The following HPSE2 variants were observed in gnomAD, a reference collection of about 807,000 sequenced individuals.
HPSE2 encodes heparanase 2 (inactive).
In HPSE2, 38 loss-of-function variants were observed where a neutral mutation model predicts 60.5. That is an observed-to-expected ratio of 0.63 (90% CI 0.48 to 0.82). HPSE2 has a LOEUF of 0.82. HPSE2 is among the 40% of genes least tolerant of loss of function. The probability of loss-of-function intolerance (pLI) is 0.00; values close to 1 mark genes in which losing one functional copy is unlikely to be tolerated. For missense variants in HPSE2, 713 were observed against 740.4 expected (o/e 0.96, Z 0.43); for synonymous variants, 295 against 293.2 (o/e 1.01, Z -0.06).
chr10:99,081,884 C>T (rs138497905), intron 3 of HPSE2, among the ~76,000 whole-genome samples: 181 of 152,266 alleles, frequency 1.2e-3, no homozygotes, highest in African/African-American at 4.3e-3. Flanking sequence ...GATCCGCCCG[C>T]CTGGGCCTCC....
At chr10:98,687,815 T>C (rs1167982357) in intron 6 of HPSE2, among the ~76,000 whole-genome samples, 1 of 152,192 alleles carries the variant, frequency 6.6e-6, no homozygotes, top group East Asian at 1.9e-4. Context: ...TTCTCATCCT[T>C]TTATTTTCAA....
At chr10:99,230,288 T>C (rs533909699) in intron 2 of HPSE2, among the ~76,000 whole-genome samples, 4 of 152,240 alleles carry the variant, frequency 2.6e-5, no homozygotes, top group South Asian at 4.1e-4. Flanking sequence ...AAGATAGATG[T>C]CTAAAAAATG....
chr10:99,149,229 C>G (rs973004772), intron 2 of HPSE2, among the ~76,000 whole-genome samples: 7 of 151,968 alleles, frequency 4.6e-5, no homozygotes, highest in Non-Finnish European at 7.4e-5. Flanking sequence ...CAGAAGCTGT[C>G]AAATAAGGAA....
intron 11 of HPSE2, among the ~76,000 whole-genome samples, chr10:98,469,395 T>G (rs1940684044): frequency 6.6e-6 from 1 of 152,200 alleles, no homozygotes; most frequent in Admixed American, 6.5e-5. Flanking sequence ...AGCATGTGGT[T>G]AACTATGTCC....
chr10:99,294,402 A>AAATATATAATATATACATAT, the HPSE2 span, among the ~76,000 whole-genome samples: 2 of 146,722 alleles, frequency 1.4e-5, no homozygotes, highest in African/African-American at 5.0e-5. Flanking sequence ...TATAATATAT[A>AAATATATAATATATACATAT]AATATATAAT....
At chr10:98,804,101 A>C (rs1006041005) in intron 3 of HPSE2, among the ~76,000 whole-genome samples, 3 of 152,032 alleles carry the variant, frequency 2.0e-5, no homozygotes, top group Admixed American at 6.6e-5. Flanking sequence ...ATGGGAGTTC[A>C]CTCATGATTT....
At chr10:98,952,808 A>G (rs1955402669) in intron 3 of HPSE2, among the ~76,000 whole-genome samples, 1 of 151,994 alleles carries the variant, frequency 6.6e-6, no homozygotes, top group Admixed American at 6.6e-5. Flanking sequence ...CATGTGCATG[A>G]TCTCTCTTCT....
At chr10:98,684,856 A>C (rs1947873021) in intron 6 of HPSE2, among the ~76,000 whole-genome samples, 1 of 152,150 alleles carries the variant, frequency 6.6e-6, no homozygotes, top group African/African-American at 2.4e-5. Flanking sequence ...AAAAATAAGA[A>C]AAAAGATTCC....
At chr10:98,997,112 C>CTT (rs34434956) in intron 3 of HPSE2, among the ~76,000 whole-genome samples, 68,522 of 119,798 alleles carry the variant, frequency 0.57, 21,878 homozygotes, top group South Asian at 0.73. Context: ...CAGACCCTTT[C>CTT]TTTTTTTTTT....
Position 98,459,551 on chromosome 10 carries a change from G to A in HPSE2, c.*23C>T. On this transcript the variant is annotated 3_prime_UTR_variant, in exon 12 of 12. Coordinates refer to ENST00000370552, the MANE Select transcript of HPSE2 (RefSeq NM_021828.5). ...TGGAAGCAGCCCAGCAGGCCCACTGGTAGCCGTGAGTGTGAGGATAGCTTA... is the reference window on the plus strand; with the variant it reads ...TGGAAGCAGCCCAGCAGGCCCACTGATAGCCGTGAGTGTGAGGATAGCTTA... 2 of 1,613,802 alleles carry A rather than the reference G, an allele frequency of 1.2e-6. No homozygotes were observed. Among genetic ancestry groups the A allele is most frequent in the African/African-American group, 1.3e-5 (1 of 75,048 alleles).
chr10:98,635,418 C>G (rs1200380527), intron 7 of HPSE2, among the ~76,000 whole-genome samples: 2 of 152,132 alleles, frequency 1.3e-5, no homozygotes, highest in African/African-American at 4.8e-5. Flanking sequence ...CAAAGAGATA[C>G]CTGCACTCTC....
intron 6 of HPSE2, among the ~76,000 whole-genome samples, chr10:98,652,552 C>G (rs1264541375): frequency 6.6e-6 from 1 of 152,190 alleles, no homozygotes; most frequent in Non-Finnish European, 1.5e-5. Context: ...CTGCCCATTC[C>G]CAATCTCCCA....
chr10:99,056,463 C>CTGA (rs1958115960), intron 3 of HPSE2, among the ~76,000 whole-genome samples: 1 of 151,940 alleles, frequency 6.6e-6, no homozygotes, highest in Non-Finnish European at 1.5e-5. Flanking sequence ...CTGCTTAAGC[C>CTGA]TGATGCAAAA....
At chr10:98,647,169 GTC>G (rs1946792305) in intron 6 of HPSE2, among the ~76,000 whole-genome samples, 1 of 152,064 alleles carries the variant, frequency 6.6e-6, no homozygotes, top group African/African-American at 2.4e-5. Context: ...CCTCCTTCCT[GTC>G]TCTGTCAGCC....
intron 2 of HPSE2, among the ~76,000 whole-genome samples, chr10:99,219,895 G>A (rs1849252138): frequency 2.6e-5 from 4 of 152,084 alleles, no homozygotes; most frequent in Non-Finnish European, 4.4e-5. Context: ...ATCTTTATTT[G>A]TTGGCTGATT....
chr10:99,017,674 A>C (rs1480651106), intron 3 of HPSE2, among the ~76,000 whole-genome samples: 1 of 152,054 alleles, frequency 6.6e-6, no homozygotes, highest in Non-Finnish European at 1.5e-5. Context: ...TTTGGTTGAT[A>C]GCCTATTTAT....
rs1954784705 is a variant in HPSE2 at position 98,936,181 on chromosome 10, T to C, written c.611-192125A>G. 4.2e-5 allele frequency among the ~76,000 whole-genome samples: 6 copies of C among 144,360 alleles called. 2 individuals are homozygous for C. Among genetic ancestry groups the C allele is most frequent in the Non-Finnish European group, 6.0e-5 (4 of 67,208 alleles). The allele number at this position is 144,360 out of a possible 152,430, so 94.7% of individuals were successfully genotyped here. ...GGGAATTCGATCCCCCCAGGCAGAC[T>C]CCAGACTTCTGTACTTGCAATGGGA... On this transcript the variant is annotated intron_variant, in intron 3 of 11. Transcript: ENST00000370552.
chr10:98,535,706 T>C (rs115132679), intron 9 of HPSE2, among the ~76,000 whole-genome samples: 1 of 152,296 alleles, frequency 6.6e-6, no homozygotes, highest in African/African-American at 2.4e-5. Context: ...GAGAGGCATC[T>C]TTGTTCTGCC....
chr10:98,709,931 G>A (rs1948636083), intron 5 of HPSE2, among the ~76,000 whole-genome samples: 1 of 152,138 alleles, frequency 6.6e-6, no homozygotes, highest in Non-Finnish European at 1.5e-5. Context: ...CCAGGAACTG[G>A]ATATCTAACT....
Sources: allele counts gnomAD v4.1 joint callset (sites outside exome capture counted in the v4.1 genomes callset), GRCh38; gene constraint gnomAD v4.1.1; transcripts MANE v1.5; gene names NCBI Gene and HGNC (gene_info 2026-07-23, HGNC 2026-07-21).